Variants in KRT74 observed in about 807,000 individuals in gnomAD.
KRT74 encodes the protein keratin, type II cytoskeletal 74.
A neutral mutation model predicts 42.7 loss-of-function variants in KRT74; 43 were observed. That is an observed-to-expected ratio of 1.01 (90% confidence interval 0.79 to 1.30). The LOEUF (loss-of-function observed/expected upper bound fraction) is 1.30, where lower values mean the gene tolerates loss of function less well. Ranked by LOEUF, KRT74 falls within the 50% of genes most tolerant of loss-of-function variation. KRT74 has a pLI of 0.00. For synonymous variants in KRT74, 302 were observed against 279.0 expected, an observed-to-expected ratio of 1.08 and a Z score of -0.82; for missense variants, 736 against 689.1, an observed-to-expected ratio of 1.07 and a Z score of -0.76.
At position 52,571,370 on chromosome 12, in the gene KRT74, G is replaced by A; in HGVS notation, c.832C>T (p.Leu278=). ...AGGAGTGTCCTTACTGCATCATACA[G>A]ACACTTGAGGAACTTGATTTCTTTG... ...LDKEIKFLKC[L]YDAEIAQIQT... is the part of the protein sequence containing the mutation. Residue 278 remains leucine (L), a synonymous_variant, in exon 4 of 9, where the codon CTG becomes TTG. Transcript: ENST00000305620. The A allele has an allele frequency of 6.2e-7, 1 of 1,607,054 alleles. No homozygotes were observed. Among genetic ancestry groups the A allele is most frequent in the Non-Finnish European group, 8.5e-7 (1 of 1,173,594 alleles).
At position 52,567,185 on chromosome 12, in the gene KRT74, A is replaced by G. The variant is rs373786132; in HGVS notation, c.1391-17T>C. 3.9e-5 allele frequency: 61 copies of G among 1,568,448 alleles called. No individual in the cohort carries two copies. The African/African-American group carries it at 7.5e-4, about 19-fold the overall frequency. On this transcript the variant is annotated splice_polypyrimidine_tract_variant and intron_variant, in intron 8 of 8. Coordinates refer to ENST00000305620, the MANE Select transcript of KRT74 (RefSeq NM_175053.4). ...TGATGACAGCTGAGGAGGAGGGGCC[A>G]AGAGCAGGGGAGAGGAGCAGTGTCA...
chr12:52,568,365 C>T lies in KRT74; in HGVS notation c.1159G>A (p.Ala387Thr), dbSNP rs751637978. Residue 387 changes from alanine (A) to threonine (T), a missense_variant, in exon 7 of 9, where the codon GCT (alanine) becomes ACT (threonine). Coordinates refer to ENST00000305620, the MANE Select transcript of KRT74 (RefSeq NM_175053.4). ...TTGTCTCCCCGCTGCTCAGCGTCAG[C>T]GATGGCCGTCTCCAGGCTGGCACGC... ...KQRASLETAI[A>T]DAEQRGDNAL... 8.1e-6 allele frequency: 13 copies of T among 1,614,114 alleles called. No individual in the cohort carries two copies. The highest frequency in any genetic ancestry group is 2.2e-5 in the South Asian group (2 of 91,082).
chr12:52,572,478 C>G lies in KRT74; in HGVS notation c.661G>C (p.Asp221His), dbSNP rs1434030867. ...CTCTTCTTATAGTCCTCCACCAGAT[C>G]CCTCATGCTTCTCAGCTCCGAGTCC... ...RLDSELRSMR[D>H]LVEDYKKRYE... The change falls in exon 2 of 9, where the codon GAT becomes CAT. Residue 221 changes from aspartate to histidine, a missense_variant. By Grantham distance (81) the Asp-to-His change is moderately conservative (BLOSUM62 -1). Transcript: ENST00000305620. 1 of 1,614,126 alleles carries G rather than the reference C, an allele frequency of 6.2e-7. No homozygotes were observed. Among genetic ancestry groups the G allele is most frequent in the Non-Finnish European group, 8.5e-7 (1 of 1,180,000 alleles).
At chr12:52,571,764 G>A (rs1406432754) in intron 3 of KRT74, among the ~76,000 whole-genome samples, 180 bp downstream of exon 3, 2 of 152,130 alleles carry the variant, frequency 1.3e-5, no homozygotes, top group African/African-American at 2.4e-5. Flanking sequence ...TCCATTTCCT[G>A]AGTGTGTGTC....
intron 4 of KRT74, 101 bp from the exon 5 acceptor site, chr12:52,570,934 G>T: frequency 1.5e-6 from 2 of 1,350,952 alleles, no homozygotes; most frequent in Non-Finnish European, 2.1e-6. Flanking sequence ...AGGCTGCTAG[G>T]ATCCACGGGG....
rs1939507091 is a variant in KRT74 at position 52,572,627 on chromosome 12, T to C, written c.512A>G (p.Lys171Arg). Residue 171 changes from lysine to arginine, a missense_variant, in exon 2 of 9, where the codon AAG becomes AGG. Transcript: ENST00000305620. ...LEQQNQVLET[K>R]WELLQQLDLN... ...GTCCAGCTGCTGCAGCAGCTCCCAC[T>C]TGGTTTCTAGAACCTGGTTCTGCTG... 1 of 1,614,202 alleles carries C rather than the reference T, an allele frequency of 6.2e-7. No individual in the cohort carries two copies. The highest frequency in any genetic ancestry group is 1.1e-5 in the South Asian group (1 of 91,080).
chr12:52,569,489 C>A (rs985100159), intron 6 of KRT74: 2 of 611,394 alleles, frequency 3.3e-6, no homozygotes, highest in Non-Finnish European at 5.8e-6. Context: ...AGAGGGGGCA[C>A]CCAAAGGGGA....
In KRT74 at chr12:52,567,088, T is replaced by C; in HGVS notation, c.1471A>G (p.Ser491Gly). The change falls in exon 9 of 9, where the codon AGC (serine) becomes GGC (glycine). Residue 491 changes from serine (S) to glycine (G), a missense_variant. Coordinates refer to ENST00000305620, the MANE Select transcript of KRT74 (RefSeq NM_175053.4). ...TGCCCGCTCTGGGTGCTGCCAGAGC[T>C]GCCTGCCACAGCGCTGGCCCCAAGG... The part of the protein sequence containing the change: ...VDLGASAVAG[S>G]SGSTQSGQTK... The C allele has an allele frequency of 6.3e-7, 1 of 1,598,648 alleles. No homozygotes were observed. The highest frequency in any genetic ancestry group is 8.6e-7 in the Non-Finnish European group (1 of 1,168,186).
In KRT74 at chr12:52,572,593, G is replaced by A; in HGVS notation, c.546C>T (p.Asn182=). The A allele has an allele frequency of 6.2e-7, 1 of 1,614,194 alleles. No homozygotes were observed. The change falls in exon 2 of 9, where the codon AAC becomes AAT. Residue 182 remains asparagine (N), a synonymous_variant. Transcript: ENST00000305620. ...WELLQQLDLN[N]CKKNLEPILE... is the part of the protein sequence containing the mutation. Reference sequence around the variant, plus strand: ...GGATGGGCTCCAGGTTCTTCTTGCAGTTGTTCAGGTCCAGCTGCTGCAGCA... The same window carrying A: ...GGATGGGCTCCAGGTTCTTCTTGCAATTGTTCAGGTCCAGCTGCTGCAGCA...
chr12:52,572,396 G>A (rs1939500179), intron 2 of KRT74, 57 bp downstream of exon 2: 1 of 1,574,326 alleles, frequency 6.4e-7, no homozygotes, highest in East Asian at 2.2e-5. Context: ...ACAGAGATCA[G>A]GTGAGCCCAG....
At chr12:52,571,219 A>G in intron 4 of KRT74, 140 bp downstream of exon 4, 3 of 694,574 alleles carry the variant, frequency 4.3e-6, no homozygotes, top group South Asian at 1.6e-5. Flanking sequence ...CTGCACTTCC[A>G]TGGTCTCCTG....
At position 52,567,409 on chromosome 12, in the gene KRT74, A is replaced by G. The variant is rs577739185; in HGVS notation, c.1391-241T>C. On this transcript the variant is annotated intron_variant, in intron 8 of 8. Transcript: ENST00000305620. ...CCTGCCCTCCTGGAAATGCTAGGAA[A>G]ATCCATGTCCACCAACCCTTTCTCC... 3.3e-5 allele frequency among the ~76,000 whole-genome samples: 5 copies of G among 152,274 alleles called. No homozygotes were observed. The East Asian group carries it at 5.8e-4, about 18-fold the overall frequency.
chr12:52,572,717 C>G (rs199877173), intron 1 of KRT74, 50 bp from the exon 2 acceptor site: 1 of 1,532,568 alleles, frequency 6.5e-7, no homozygotes, highest in East Asian at 2.3e-5. Context: ...TGCAGTCATG[C>G]CCCCTGGACA....
Position 52,566,969 on chromosome 12 carries a change from C to T in KRT74, c.1590G>A (p.Ter530=), listed in dbSNP as rs762779556. 4.3e-6 allele frequency: 7 copies of T among 1,609,210 alleles called. No individual in the cohort carries two copies. In the East Asian group the frequency reaches 1.6e-4, roughly 36 times the overall value. ...ASIPARKATR[*] is the part of the protein sequence containing the mutation. ...TGCTGAGGTGGGTGAGGCCATGGGTCTAGCGGGTGGCTTTCCTTGCTGGGA... is the reference window on the plus strand; with the variant it reads ...TGCTGAGGTGGGTGAGGCCATGGGTTTAGCGGGTGGCTTTCCTTGCTGGGA... Residue 530 remains the stop codon, a stop_retained_variant, in exon 9 of 9, where the codon TAG becomes TAA. Transcript: ENST00000305620.
rs1190802817 is a variant in KRT74, at chr12:52,570,616, C to G, written c.1008+53G>C. On this transcript the variant is annotated intron_variant, in intron 5 of 8. Transcript: ENST00000305620. ...TTCCTCACATTCACTGTGCAGGTGACCCCTCCCAGGAAGCGAAGGGCTGCT... is the reference window on the plus strand; with the variant it reads ...TTCCTCACATTCACTGTGCAGGTGAGCCCTCCCAGGAAGCGAAGGGCTGCT... 43 of 1,593,212 alleles carry G rather than the reference C, an allele frequency of 2.7e-5. No individual in the cohort carries two copies. In the East Asian group the frequency reaches 9.4e-4, roughly 35 times the overall value.
intron 5 of KRT74, among the ~76,000 whole-genome samples, chr12:52,570,432 C>T (rs561900503): frequency 3.3e-5 from 5 of 152,324 alleles, no homozygotes; most frequent in East Asian, 3.9e-4. Flanking sequence ...ACAGGCAGTT[C>T]GTGGATGGAG....
chr12:52,573,608 C>G lies in KRT74; in HGVS notation c.170G>C (p.Arg57Pro). The change falls in exon 1 of 9, where the codon CGG (arginine) becomes CCG (proline). Residue 57 changes from arginine (R) to proline (P), a missense_variant. By Grantham distance (103) the Arg-to-Pro change is moderately radical. Transcript: ENST00000305620. ...ACCAGCCACATTGAAAGAAATACGC[C>G]GATTCCCTCCAAGGCTATAGAGGCT... ...SRSLYSLGGN[R>P]RISFNVAGGG... 1 of 1,614,178 alleles carries G rather than the reference C, an allele frequency of 6.2e-7. No individual in the cohort carries two copies. Among genetic ancestry groups the G allele is most frequent in the Non-Finnish European group, 8.5e-7 (1 of 1,180,048 alleles).
In KRT74 at chr12:52,572,001, A is replaced by C. The variant is rs1170903281; in HGVS notation, c.690T>G (p.Tyr230Ter). The change falls in exon 3 of 9, where the codon TAT (tyrosine) becomes TAG (stop). Residue 230 changes from tyrosine (Y) to a stop codon, truncating the protein, a stop_gained. Coordinates refer to ENST00000305620, the MANE Select transcript of KRT74 (RefSeq NM_175053.4). LOFTEE classifies it high-confidence loss of function. ...TCGTGCGCCGGTTAATCTCCACTTC[A>C]TATCTGCCAGCAGGGAGAGTAGATG... ...RDLVEDYKKR[Y>*]EVEINRRTTA... 1.3e-6 allele frequency: 2 copies of C among 1,589,892 alleles called. No individual in the cohort carries two copies. Among genetic ancestry groups the C allele is most frequent in the Non-Finnish European group, 1.7e-6 (2 of 1,158,328 alleles).
Position 52,570,906 on chromosome 12 carries a change from C to T in KRT74, c.844-73G>A, listed in dbSNP as rs1939468385. 11 of 1,565,910 alleles carry T rather than the reference C, an allele frequency of 7.0e-6. No homozygotes were observed. The Middle Eastern group carries it at 5.0e-4, about 72-fold the overall frequency. On this transcript the variant is annotated intron_variant, in intron 4 of 8. Transcript: ENST00000305620. ...TTCTGCCCCATCAGTCTTCTGGGCCCATGGTCCCTGGCCCAATAGGCTGCT... is the reference window on the plus strand; with the variant it reads ...TTCTGCCCCATCAGTCTTCTGGGCCTATGGTCCCTGGCCCAATAGGCTGCT...
Sources: gnomAD v4.1 joint callset for allele counts (sites outside exome capture counted in the v4.1 genomes callset) on GRCh38, gnomAD v4.1.1 for gene constraint, MANE v1.5 for transcripts, NCBI Gene and HGNC (gene_info 2026-07-23, HGNC 2026-07-21) for gene names.